CNTN1: variants seen among roughly 807,000 people sequenced by gnomAD.
CNTN1 encodes contactin-1.
In CNTN1, 38 loss-of-function variants were observed where a neutral mutation model predicts 126.4. That is an observed-to-expected ratio of 0.30 (90% CI 0.23 to 0.39). CNTN1 has a LOEUF of 0.39. CNTN1 is among the 10% of genes least tolerant of loss of function. The pLI, the probability that CNTN1 is intolerant of heterozygous loss-of-function variation, is 1.00. For missense variants in CNTN1, 1,009 were observed against 1,248.4 expected (o/e 0.81, Z 2.89); for synonymous variants, 413 against 422.6 (o/e 0.98, Z 0.28).
chr12:40,897,824 T>C (rs1264162416), intron 1 of CNTN1, among the ~76,000 whole-genome samples: 2 of 152,162 alleles, frequency 1.3e-5, no homozygotes, highest in Admixed American at 1.3e-4. Flanking sequence ...AGAGCCTTCA[T>C]AAACCAAAGC....
chr12:40,729,628 C>T (rs183727584), intron 1 of CNTN1: 3 of 223,874 alleles, frequency 1.3e-5, no homozygotes, highest in Admixed American at 4.4e-5. Context: ...GAAGCTATTG[C>T]GAGCATGGAG....
intron 4 of CNTN1, among the ~76,000 whole-genome samples, chr12:40,921,550 T>A (rs1340610786): frequency 6.6e-6 from 1 of 152,178 alleles, no homozygotes; most frequent in Non-Finnish European, 1.5e-5. Flanking sequence ...ATGTCTTATA[T>A]TGTTATGATA....
chr12:41,048,018 C>G (rs1055205033), intron 23 of CNTN1, among the ~76,000 whole-genome samples: 2 of 152,120 alleles, frequency 1.3e-5, no homozygotes, highest in African/African-American at 4.8e-5. Flanking sequence ...AATCCCACAG[C>G]CATATAATAT....
chr12:40,949,966 A>G (rs1194421493), intron 14 of CNTN1, among the ~76,000 whole-genome samples: 1 of 152,098 alleles, frequency 6.6e-6, no homozygotes, highest in Non-Finnish European at 1.5e-5. Flanking sequence ...GGTAAGAATC[A>G]GATTCGAGCC....
At chr12:40,903,863 G>A (rs1944703715) in intron 1 of CNTN1, among the ~76,000 whole-genome samples, 1 of 152,074 alleles carries the variant, frequency 6.6e-6, no homozygotes, top group African/African-American at 2.4e-5. Flanking sequence ...CTGGAAAACA[G>A]ACTTCCAGTA....
intron 23 of CNTN1, among the ~76,000 whole-genome samples, chr12:41,066,488 T>G: frequency 6.6e-6 from 1 of 152,172 alleles, no homozygotes; most frequent in Middle Eastern, 3.2e-3. Context: ...TGCACTAGGC[T>G]TGGTATTAGT....
intron 1 of CNTN1, among the ~76,000 whole-genome samples, chr12:40,702,536 C>G (rs1941625980): frequency 6.6e-6 from 1 of 152,096 alleles, no homozygotes; most frequent in South Asian, 2.1e-4. Flanking sequence ...CCTCTGCCTC[C>G]CAGGTTCAAG....
chr12:40,789,592 A>C (rs184949497), intron 1 of CNTN1, among the ~76,000 whole-genome samples: 355 of 12,648 alleles, frequency 0.028, 166 homozygotes, highest in South Asian at 0.26. Context: ...ACATGTTGAA[A>C]AAGTTGGAAA....
chr12:41,053,056 A>G (rs370403691), intron 23 of CNTN1, among the ~76,000 whole-genome samples: 1 of 151,800 alleles, frequency 6.6e-6, no homozygotes, highest in East Asian at 1.9e-4. Context: ...CTAAGACTAC[A>G]TAGATATTAT....
chr12:40,845,790 A>C (rs75156912), intron 1 of CNTN1, among the ~76,000 whole-genome samples: 23,760 of 152,176 alleles, frequency 0.16, 1,874 homozygotes, highest in Middle Eastern at 0.21. Context: ...GAAGCTCTGC[A>C]CCACTCCCCA....
rs1950158649 is a variant in CNTN1 at position 41,071,445 on chromosome 12, T to TGCTA, written c.*1415_*1418dup. The TGCTA allele has an allele frequency of 2.0e-5, 3 of 152,186 alleles. No homozygotes were observed. Among genetic ancestry groups the TGCTA allele is most frequent in the African/African-American group, 4.8e-5 (2 of 41,444 alleles). The allele number at this position is 152,186 out of a possible 1,614,324, so 9.4% of individuals were successfully genotyped here. A position where few individuals can be genotyped will look rare whatever the true frequency, so the allele number is the denominator to read the frequency against. On this transcript the variant is annotated 3_prime_UTR_variant, in exon 24 of 24. Transcript: ENST00000551295. Reference sequence around the variant, plus strand: ...TAATCCTATTTTATTAGCACAAACTTGCTAGCTAATTAGAGTTTATCTTTT... The same window carrying TGCTA: ...TAATCCTATTTTATTAGCACAAACTTGCTAGCTAGCTAATTAGAGTTTATCTTTT...
intron 1 of CNTN1, among the ~76,000 whole-genome samples, chr12:40,805,735 T>C (rs2136492970): frequency 6.6e-6 from 1 of 152,134 alleles, no homozygotes; most frequent in East Asian, 1.9e-4. Flanking sequence ...ATCTCATAAA[T>C]TTGAATGCTA....
chr12:40,752,723 TAAAGAC>T (rs781712239), intron 1 of CNTN1, among the ~76,000 whole-genome samples: 96 of 152,258 alleles, frequency 6.3e-4, no homozygotes, highest in Non-Finnish European at 1.2e-3. Context: ...TCACAAAAGT[TAAAGAC>T]AAAAACATTT....
Position 41,070,065 on chromosome 12 carries a change from C to T in CNTN1, c.*30C>T. 6.2e-7 allele frequency: 1 copy of T among 1,600,014 alleles called. No individual in the cohort carries two copies. Among genetic ancestry groups the T allele is most frequent in the Non-Finnish European group, 8.6e-7 (1 of 1,167,506 alleles). On this transcript the variant is annotated 3_prime_UTR_variant, in exon 24 of 24. Coordinates refer to ENST00000551295, the MANE Select transcript of CNTN1 (RefSeq NM_001843.4). ...GTTGTGACAGCTGCTGTTCCCATCCCAGCTCAGAAGACACCCTTCAACCCT... is the reference window on the plus strand; with the variant it reads ...GTTGTGACAGCTGCTGTTCCCATCCTAGCTCAGAAGACACCCTTCAACCCT...
intron 15 of CNTN1, among the ~76,000 whole-genome samples, chr12:40,966,109 A>G (rs1273071116): frequency 6.6e-6 from 1 of 151,972 alleles, no homozygotes; most frequent in Admixed American, 6.6e-5. Context: ...CCAAATCATC[A>G]CAGTCAAATC....
At chr12:40,976,911 TG>T (rs1272284686) in intron 15 of CNTN1, among the ~76,000 whole-genome samples, 2 of 152,206 alleles carry the variant, frequency 1.3e-5, no homozygotes, top group East Asian at 3.8e-4. Context: ...TCAAAATTAC[TG>T]GAAAACATTT....
At chr12:40,923,967 T>C (rs1260741820) in intron 5 of CNTN1, among the ~76,000 whole-genome samples, 2 of 152,044 alleles carry the variant, frequency 1.3e-5, no homozygotes, top group Non-Finnish European at 2.9e-5. Flanking sequence ...ACTGGAAGAA[T>C]ATCAAGGAAT....
At chr12:41,029,799 C>A (rs754171387) in intron 23 of CNTN1, among the ~76,000 whole-genome samples, 1 of 151,972 alleles carries the variant, frequency 6.6e-6, no homozygotes, top group Non-Finnish European at 1.5e-5. Flanking sequence ...TAAATTATAG[C>A]CCCTTTGTCT....
intron 1 of CNTN1, among the ~76,000 whole-genome samples, chr12:40,893,994 A>T (rs774346645): frequency 4.5e-4 from 68 of 151,934 alleles, no homozygotes; most frequent in Non-Finnish European, 8.0e-4. Flanking sequence ...ACATCCTTAC[A>T]CTCTAATAGC....
Sources: allele counts gnomAD v4.1 joint callset (sites outside exome capture counted in the v4.1 genomes callset), GRCh38; gene constraint gnomAD v4.1.1; transcripts MANE v1.5; gene names NCBI Gene and HGNC (gene_info 2026-07-23, HGNC 2026-07-21).